The following PRKAG2 variants were observed in gnomAD, a reference collection of about 807,000 sequenced individuals.
PRKAG2 encodes 5'-AMP-activated protein kinase subunit gamma-2.
In PRKAG2, 26 loss-of-function variants were observed where a neutral mutation model predicts 69.6. That is an observed-to-expected ratio of 0.37 (90% CI 0.27 to 0.52). The LOEUF is 0.52. PRKAG2 is among the 20% of genes least tolerant of loss of function. The pLI is 0.90. For synonymous variants in PRKAG2, 293 were observed against 285.0 expected (o/e 1.03, Z -0.28); for missense variants, 557 against 740.0 (o/e 0.75, Z 2.87).
chr7:151,876,315 CAG>C (rs959790781), intron 1 of PRKAG2, among the ~76,000 whole-genome samples, 190 bp downstream of exon 1: 1 of 152,042 alleles, frequency 6.6e-6, no homozygotes, highest in Non-Finnish European at 1.5e-5. Flanking sequence ...TGCACGCGGG[CAG>C]AGAGAGAGAT....
intron 3 of PRKAG2, among the ~76,000 whole-genome samples, chr7:151,730,311 C>A (rs1798724985): frequency 6.6e-6 from 1 of 152,198 alleles, no homozygotes; most frequent in Non-Finnish European, 1.5e-5. Context: ...ATGACAGAAC[C>A]TGTCATTGTT....
At chr7:151,688,004 A>G (rs1834995928) in intron 3 of PRKAG2, among the ~76,000 whole-genome samples, 1 of 92,708 alleles carries the variant, frequency 1.1e-5, no homozygotes, top group Admixed American at 1.1e-4. Context: ...TTGGGTTTGG[A>G]AGGGGAGGGA....
intron 1 of PRKAG2, among the ~76,000 whole-genome samples, chr7:151,825,472 G>C (rs2078885542): frequency 6.6e-6 from 1 of 152,138 alleles, no homozygotes; most frequent in Non-Finnish European, 1.5e-5. Context: ...CCCTGACATA[G>C]AGCCAGACAC....
intron 3 of PRKAG2, among the ~76,000 whole-genome samples, chr7:151,722,476 C>T (rs1487516816): frequency 1.3e-5 from 2 of 152,162 alleles, no homozygotes; most frequent in Middle Eastern, 3.2e-3. Context: ...AGCGAAAGGA[C>T]TACCATCACT....
At chr7:151,839,558 T>C (rs2079227697) in intron 1 of PRKAG2, among the ~76,000 whole-genome samples, 1 of 152,244 alleles carries the variant, frequency 6.6e-6, no homozygotes, top group Non-Finnish European at 1.5e-5. Flanking sequence ...TCATGTCTTG[T>C]ATTTAAATCC....
At chr7:151,625,352 C>G (rs1822581650) in intron 5 of PRKAG2, among the ~76,000 whole-genome samples, 2 of 152,016 alleles carry the variant, frequency 1.3e-5, no homozygotes, top group African/African-American at 4.8e-5. Flanking sequence ...CTGATGAAGG[C>G]CAGAGTAGCT....
chr7:151,860,792 T>C (rs2079900334), intron 1 of PRKAG2, among the ~76,000 whole-genome samples: 1 of 152,156 alleles, frequency 6.6e-6, no homozygotes, highest in African/African-American at 2.4e-5. Context: ...GAGGGCACTG[T>C]TCTCGCCCAG....
intron 1 of PRKAG2, among the ~76,000 whole-genome samples, chr7:151,829,914 G>A (rs1038392289): frequency 1.3e-5 from 2 of 151,858 alleles, no homozygotes; most frequent in Non-Finnish European, 2.9e-5. Flanking sequence ...CAGAGTTCCT[G>A]AGGAGACCGA....
intron 1 of PRKAG2, among the ~76,000 whole-genome samples, chr7:151,797,043 A>C (rs1207242227): frequency 6.6e-6 from 1 of 152,086 alleles, no homozygotes; most frequent in Non-Finnish European, 1.5e-5. Context: ...AAAGGCCCCG[A>C]GGCCCCACAC....
At chr7:151,660,464 C>T (rs1219179224) in intron 4 of PRKAG2, among the ~76,000 whole-genome samples, 9 of 152,186 alleles carry the variant, frequency 5.9e-5, no homozygotes, top group Non-Finnish European at 1.2e-4. Context: ...AACCTCTATC[C>T]AATGGCTTTT....
chr7:151,610,739 C>CTTTTTTTT (rs10523596), intron 5 of PRKAG2, among the ~76,000 whole-genome samples: 11 of 105,568 alleles, frequency 1.0e-4, no homozygotes, highest in African/African-American at 1.8e-4. Flanking sequence ...TTTTTCTTTT[C>CTTTTTTTT]TTTTTTTTTT....
chr7:151,827,765 A>AAAAAAC (rs2078939783), intron 1 of PRKAG2, among the ~76,000 whole-genome samples: 1 of 150,434 alleles, frequency 6.6e-6, no homozygotes, highest in Non-Finnish European at 1.5e-5. Context: ...AAAAAAAAAA[A>AAAAAAC]AAAAAAAAAC....
intron 15 of PRKAG2, chr7:151,559,302 A>G: frequency 1.0e-6 from 1 of 982,172 alleles, no homozygotes; most frequent in Non-Finnish European, 1.2e-6. Context: ...TTTCAAAGAT[A>G]TTTGGATTAT....
chr7:151,722,603 T>C (rs1472277912), intron 3 of PRKAG2, among the ~76,000 whole-genome samples: 1 of 151,868 alleles, frequency 6.6e-6, no homozygotes, highest in Non-Finnish European at 1.5e-5. Context: ...GGGGGTAGGA[T>C]CCTGTCTATT....
chr7:151,804,070 T>C (rs561579529), intron 1 of PRKAG2, among the ~76,000 whole-genome samples: 18 of 152,122 alleles, frequency 1.2e-4, no homozygotes, highest in Non-Finnish European at 2.5e-4. Flanking sequence ...CGTAGACAGC[T>C]AGGGTTGCTT....
chr7:151,616,921 G>T (rs909160576), intron 5 of PRKAG2, among the ~76,000 whole-genome samples: 1 of 152,112 alleles, frequency 6.6e-6, no homozygotes, highest in Non-Finnish European at 1.5e-5. Context: ...CTGGAGATGC[G>T]ACAGGAAAGT....
At chr7:151,826,789 A>G (rs1257791227) in intron 1 of PRKAG2, among the ~76,000 whole-genome samples, 7 of 152,202 alleles carry the variant, frequency 4.6e-5, no homozygotes, top group Non-Finnish European at 1.5e-5. Context: ...TTTTCACAAA[A>G]TACCACTTTT....
At chr7:151,732,715 G>A (rs1203318226) in intron 3 of PRKAG2, among the ~76,000 whole-genome samples, 2 of 151,820 alleles carry the variant, frequency 1.3e-5, no homozygotes, top group East Asian at 2.0e-4. Context: ...TCTTTGAGAC[G>A]GAGTCTCACT....
chr7:151,834,765 G>A (rs111357153), intron 1 of PRKAG2, among the ~76,000 whole-genome samples: 1 of 152,344 alleles, frequency 6.6e-6, no homozygotes, highest in African/African-American at 2.4e-5. Context: ...CCTCCCCATC[G>A]CTGTGGGTGA....
Sources: gnomAD v4.1 joint callset for allele counts (sites outside exome capture counted in the v4.1 genomes callset) on GRCh38, gnomAD v4.1.1 for gene constraint, MANE v1.5 for transcripts, NCBI Gene and HGNC (gene_info 2026-07-23, HGNC 2026-07-21) for gene names.